ABCC8: variants seen among roughly 807,000 people sequenced by gnomAD.
The protein encoded by ABCC8 is ATP binding cassette subfamily C member 8, also known as ATP-binding cassette sub-family C member 8.
ABCC8 carries 137 observed loss-of-function variants against 188.0 expected under a neutral mutation model. The ratio of observed to expected loss-of-function variants is 0.73; its 90% CI spans 0.63 to 0.84. The LOEUF (loss-of-function observed/expected upper bound fraction) is 0.84, where lower values mean the gene tolerates loss of function less well. Among genes scored for constraint, ABCC8 ranks in the 40% least tolerant of loss-of-function variants. The pLI, the probability that ABCC8 is intolerant of heterozygous loss-of-function variation, is 0.00. For synonymous variants in ABCC8, 797 were observed against 846.5 expected, an observed-to-expected ratio of 0.94 and a Z score of 1.01; for missense variants, 1,750 against 2,072.7, an observed-to-expected ratio of 0.84 and a Z score of 3.02.
chr11:17,432,444 C>T (rs530052065), intron 10 of ABCC8, 200 bp from the exon 11 acceptor site: 6 of 1,140,572 alleles, frequency 5.3e-6, no homozygotes, highest in Middle Eastern at 3.0e-4. Flanking sequence ...GTCCCAGGTA[C>T]CCCGGCCCCC....
Position 17,404,750 on chromosome 11 carries a change from T to C in ABCC8, c.3400-81A>G. ...AGTGCTACTGGCCGCCATGTTTTGC[T>C]CTCACTTTATTTTTTGATCCTTTAT... On this transcript the variant is annotated intron_variant, in intron 27 of 38. Coordinates refer to ENST00000389817, the MANE Select transcript of ABCC8 (RefSeq NM_000352.6). The surrounding 1 kb of genome is among the most constrained non-coding windows in gnomAD (Gnocchi z 4.7). 4 of 1,535,996 alleles carry C rather than the reference T, an allele frequency of 2.6e-6. No individual in the cohort carries two copies. The highest frequency in any genetic ancestry group is 3.5e-6 in the Non-Finnish European group (4 of 1,135,398).
At chr11:17,423,356 C>CAAAAAAAAAAAA (rs58524307) in intron 16 of ABCC8, among the ~76,000 whole-genome samples, 1 of 63,344 alleles carries the variant, frequency 1.6e-5, no homozygotes, top group Non-Finnish European at 2.7e-5. Flanking sequence ...GACTCCGTCT[C>CAAAAAAAAAAAA]AAAAAAAAAA....
rs535123446 is a variant in ABCC8 at position 17,476,549 on chromosome 11, C to T, written c.148+80G>A. 2.7e-5 allele frequency: 41 copies of T among 1,530,570 alleles called. No individual in the cohort carries two copies. The African/African-American group carries it at 5.6e-4, about 21-fold the overall frequency. 94.8% of individuals were successfully genotyped at this position (1,530,570 alleles called of 1,614,324 possible). On this transcript the variant is annotated intron_variant, in intron 1 of 38. Coordinates refer to ENST00000389817, the MANE Select transcript of ABCC8 (RefSeq NM_000352.6). ...GCGGTCGCGGGCCGGAAGGGGACGC[C>T]GAGCGGTGCGGCGCGCAGCGCCTCC...
intron 30 of ABCC8, 130 bp downstream of exon 30, chr11:17,398,209 G>A (rs980855941): frequency 1.6e-6 from 2 of 1,235,840 alleles, no homozygotes; most frequent in African/African-American, 1.5e-5. Flanking sequence ...CCAGGGCTGG[G>A]GGAAGCAGGA....
intron 29 of ABCC8, 101 bp downstream of exon 29, chr11:17,402,560 T>C (rs1482673180): frequency 1.9e-6 from 3 of 1,608,656 alleles, no homozygotes; most frequent in Admixed American, 3.4e-5. Context: ...GAACGTGTCC[T>C]TGGCCTTCCC....
chr11:17,411,689 T>C (rs1217088781), intron 21 of ABCC8, among the ~76,000 whole-genome samples: 2 of 152,174 alleles, frequency 1.3e-5, no homozygotes, highest in African/African-American at 4.8e-5. Context: ...GTTGTCTCCC[T>C]GGACAAGGCC....
chr11:17,457,114 T>G (rs2133659295), intron 6 of ABCC8, among the ~76,000 whole-genome samples: 1 of 152,286 alleles, frequency 6.6e-6, no homozygotes, highest in African/African-American at 2.4e-5. Flanking sequence ...AGGCAGGTAC[T>G]CTAGGCCAGA....
intron 28 of ABCC8, among the ~76,000 whole-genome samples, chr11:17,403,400 G>A (rs1227934402): frequency 6.6e-6 from 1 of 152,144 alleles, no homozygotes; most frequent in Non-Finnish European, 1.5e-5. Context: ...CACAGAGACT[G>A]GGCTGTTTCT....
intron 6 of ABCC8, among the ~76,000 whole-genome samples, chr11:17,456,028 A>G (rs1487870631): frequency 6.6e-6 from 1 of 151,728 alleles, no homozygotes; most frequent in African/African-American, 2.4e-5. Context: ...GTTGGAGTCT[A>G]CCGAGAAGAG....
chr11:17,402,572 A>G lies in ABCC8; in HGVS notation c.3650+89T>C, dbSNP rs1356863816. On this transcript the variant is annotated intron_variant, in intron 29 of 38. Coordinates refer to ENST00000389817, the MANE Select transcript of ABCC8 (RefSeq NM_000352.6). ...AGAGAACGTGTCCTTGGCCTTCCCA[A>G]GTGGAGTCCTGAGAATCAAATCTCA... 13 of 1,612,298 alleles carry G rather than the reference A, an allele frequency of 8.1e-6. No individual in the cohort carries two copies. In the Admixed American group the frequency reaches 2.2e-4, roughly 27 times the overall value.
rs768732136 is a variant in ABCC8, at chr11:17,453,093, A to C, written c.1176+26T>G. 6 of 1,583,114 alleles carry C rather than the reference A, an allele frequency of 3.8e-6. No homozygotes were observed. In the African/African-American group the frequency reaches 6.7e-5, roughly 18 times the overall value. Reference sequence around the variant, plus strand: ...ATTCCTAATAATGGTTCTTATGGCAAAGTGAAAAAATAATCATCCAAGTAC... The same window carrying C: ...ATTCCTAATAATGGTTCTTATGGCACAGTGAAAAAATAATCATCCAAGTAC... On this transcript the variant is annotated intron_variant, in intron 7 of 38. Coordinates refer to ENST00000389817, the MANE Select transcript of ABCC8 (RefSeq NM_000352.6).
At chr11:17,423,148 G>A (rs972051196) in intron 16 of ABCC8, among the ~76,000 whole-genome samples, 1 of 151,884 alleles carries the variant, frequency 6.6e-6, no homozygotes, top group Non-Finnish European at 1.5e-5. Context: ...CATGAGGTCA[G>A]GAGTTCGAGA....
At chr11:17,475,131 T>C in intron 1 of ABCC8, 104 bp from the exon 2 acceptor site, 1 of 1,521,330 alleles carries the variant, frequency 6.6e-7, no homozygotes, top group Admixed American at 1.9e-5. Context: ...ATGGTGAGGG[T>C]GACACCTACA....
intron 10 of ABCC8, 135 bp downstream of exon 10, chr11:17,442,585 G>T: frequency 1.1e-6 from 1 of 872,722 alleles, no homozygotes; most frequent in Admixed American, 1.8e-5. Flanking sequence ...GAGCCAGTTT[G>T]AGGCTCCCCT....
intron 19 of ABCC8, chr11:17,413,679 T>C: frequency 1.0e-6 from 1 of 1,003,450 alleles, no homozygotes; most frequent in Non-Finnish European, 1.5e-6. Context: ...TTGGGCAGGT[T>C]AAATACTAGA....
intron 31 of ABCC8, 50 bp downstream of exon 31, chr11:17,397,634 G>T: frequency 1.3e-6 from 2 of 1,587,930 alleles, no homozygotes; most frequent in East Asian, 2.3e-5. Context: ...AAGGTGCTCC[G>T]GGAGTGCTGG....
At chr11:17,442,684 G>A in intron 10 of ABCC8, 36 bp downstream of exon 10, 1 of 1,603,858 alleles carries the variant, frequency 6.2e-7, no homozygotes, top group South Asian at 1.1e-5. Context: ...CATGTACGCA[G>A]CAGCACCCAG....
At chr11:17,420,634 C>G (rs1040583033) in intron 16 of ABCC8, among the ~76,000 whole-genome samples, 1 of 152,204 alleles carries the variant, frequency 6.6e-6, no homozygotes, top group Non-Finnish European at 1.5e-5. Flanking sequence ...CACCAACCAC[C>G]ACAGGCAACA....
At chr11:17,447,290 G>A (rs1306671746) in intron 8 of ABCC8, among the ~76,000 whole-genome samples, 2 of 152,172 alleles carry the variant, frequency 1.3e-5, no homozygotes, top group African/African-American at 4.8e-5. Context: ...GCTCCGGGTG[G>A]GAGATGGGAC....
Sources: gnomAD v4.1 joint callset for allele counts (sites outside exome capture counted in the v4.1 genomes callset) on GRCh38, gnomAD v4.1.1 for gene constraint, Gnocchi (gnomAD v3.1) non-coding constraint, MANE v1.5 for transcripts, NCBI Gene and HGNC (gene_info 2026-07-23, HGNC 2026-07-21) for gene names.